The following IFT88 variants were observed in gnomAD, a reference collection of about 807,000 sequenced individuals.
The protein encoded by IFT88 is intraflagellar transport protein 88 homolog.
Under a neutral mutation model 119.5 loss-of-function variants are expected in IFT88, and 74 were observed. The observed-to-expected ratio is 0.62, with a 90% CI of 0.51 to 0.75. The LOEUF is 0.75. Among genes scored for constraint, IFT88 ranks in the 30% least tolerant of loss-of-function variants. The pLI is 0.00. For missense variants in IFT88, 961 were observed against 977.7 expected, an observed-to-expected ratio of 0.98 and a Z score of 0.23; for synonymous variants, 279 against 316.7, an observed-to-expected ratio of 0.88 and a Z score of 1.26.
chr13:20,578,199 C>T (rs557615735), intron 2 of IFT88, among the ~76,000 whole-genome samples: 1 of 151,262 alleles, frequency 6.6e-6, no homozygotes, highest in East Asian at 2.0e-4. Context: ...TGCCTGCCAC[C>T]ACGCCTGGCT....
chr13:20,639,585 A>G (rs1286222068), intron 17 of IFT88, among the ~76,000 whole-genome samples: 3 of 152,180 alleles, frequency 2.0e-5, no homozygotes, highest in East Asian at 1.9e-4. Flanking sequence ...AAGGGAGGCT[A>G]TGACCACTTG....
chr13:20,685,122 G>A (rs2057753614), intron 24 of IFT88, among the ~76,000 whole-genome samples: 1 of 152,220 alleles, frequency 6.6e-6, no homozygotes, highest in Non-Finnish European at 1.5e-5. Context: ...ATTCCTTATG[G>A]GAAACAAAGC....
chr13:20,650,504 A>G (rs572366873), intron 20 of IFT88, among the ~76,000 whole-genome samples: 115 of 152,306 alleles, frequency 7.6e-4, no homozygotes, highest in African/African-American at 2.7e-3. Flanking sequence ...CTCACAGCTA[A>G]CAGGATACTG....
intron 8 of IFT88, 78 bp downstream of exon 8, chr13:20,596,318 AGAC>A: frequency 1.1e-5 from 6 of 525,264 alleles, no homozygotes; most frequent in Non-Finnish European, 2.0e-5. Context: ...CCGTATGTAT[AGAC>A]AAATATTTTT....
At chr13:20,611,574 A>G (rs1385983145) in intron 13 of IFT88, among the ~76,000 whole-genome samples, 2 of 150,682 alleles carry the variant, frequency 1.3e-5, no homozygotes, top group African/African-American at 4.9e-5. Flanking sequence ...ATCAGGAACA[A>G]GATAGGGATA....
intron 23 of IFT88, among the ~76,000 whole-genome samples, chr13:20,667,812 A>T (rs1038168977): frequency 4.6e-5 from 7 of 151,976 alleles, no homozygotes; most frequent in African/African-American, 1.7e-4. Context: ...GGCCCCACAC[A>T]TTCTGGATCT....
intron 1 of IFT88, chr13:20,567,894 T>G: frequency 3.1e-5 from 19 of 621,934 alleles, no homozygotes; most frequent in Non-Finnish European, 4.4e-5. Context: ...GAAACTGCAG[T>G]AGGCTTCTTG....
At chr13:20,690,884 G>A in intron 25 of IFT88, 69 bp downstream of exon 25, 2 of 1,384,722 alleles carry the variant, frequency 1.4e-6, no homozygotes, top group Non-Finnish European at 2.0e-6. Context: ...TGGCCAAAAG[G>A]TGTTGCTGGG....
intron 15 of IFT88, among the ~76,000 whole-genome samples, 194 bp downstream of exon 15, chr13:20,626,043 C>CTTTTTTTT (rs528587128): frequency 1.8e-4 from 7 of 39,574 alleles, no homozygotes; most frequent in African/African-American, 3.5e-4. Context: ...TTTGTCGTTT[C>CTTTTTTTT]TTTTTTTTTT....
At chr13:20,622,309 G>A (rs1382292389) in intron 14 of IFT88, among the ~76,000 whole-genome samples, 1 of 152,160 alleles carries the variant, frequency 6.6e-6, no homozygotes, top group Non-Finnish European at 1.5e-5. Flanking sequence ...GTAGGTTTTT[G>A]TGTGAACATA....
chr13:20,581,727 C>T (rs894891119), intron 2 of IFT88, among the ~76,000 whole-genome samples: 1 of 151,758 alleles, frequency 6.6e-6, no homozygotes, highest in Admixed American at 6.6e-5. Context: ...GTAGTGTGTG[C>T]CTGTAGTCCC....
At chr13:20,602,231 CAGAGAGCCTGCCTT>C (rs2042721510) in intron 12 of IFT88, among the ~76,000 whole-genome samples, 1 of 71,160 alleles carries the variant, frequency 1.4e-5, no homozygotes, top group Non-Finnish European at 2.8e-5. Flanking sequence ...TTTTTTGAGA[CAGAGAGCCTGCCTT>C]CCAGGCTGGA....
chr13:20,578,358 C>CT (rs1158499742), intron 2 of IFT88, among the ~76,000 whole-genome samples: 1,018 of 78,726 alleles, frequency 0.013, 20 homozygotes, highest in African/African-American at 0.037. Flanking sequence ...AGTCTTGTTA[C>CT]TTTTTTTTTT....
chr13:20,645,290 A>G (rs1422653879), intron 20 of IFT88, among the ~76,000 whole-genome samples: 5 of 152,110 alleles, frequency 3.3e-5, no homozygotes, highest in African/African-American at 1.2e-4. Flanking sequence ...GGGTTACACC[A>G]TGTTGGCCAG....
intron 3 of IFT88, among the ~76,000 whole-genome samples, chr13:20,585,592 G>T (rs1251782347): frequency 6.6e-6 from 1 of 152,182 alleles, no homozygotes; most frequent in African/African-American, 2.4e-5. Flanking sequence ...TAGTCCCGGA[G>T]GTTCAGGCTA....
intron 18 of IFT88, chr13:20,642,768 T>A (rs190454311): frequency 6.6e-6 from 1 of 152,264 alleles, no homozygotes; most frequent in East Asian, 1.9e-4. Flanking sequence ...TGAGACTGTT[T>A]GAGTACATTT....
At chr13:20,632,786 C>T (rs535724728) in intron 16 of IFT88, among the ~76,000 whole-genome samples, 2 of 152,194 alleles carry the variant, frequency 1.3e-5, no homozygotes, top group African/African-American at 4.8e-5. Context: ...TGCACAGTGC[C>T]CTGTTGATGA....
chr13:20,577,635 T>C (rs2037635810), intron 2 of IFT88, among the ~76,000 whole-genome samples: 1 of 152,220 alleles, frequency 6.6e-6, no homozygotes, highest in Non-Finnish European at 1.5e-5. Context: ...TTCTTTATTC[T>C]GTCGATATGA....
intron 13 of IFT88, among the ~76,000 whole-genome samples, chr13:20,611,714 C>T (rs534696064): frequency 1.5e-4 from 23 of 152,042 alleles, no homozygotes; most frequent in African/African-American, 5.1e-4. Context: ...GAGCGATTCC[C>T]CTGCCTCAGC....
Sources: allele counts gnomAD v4.1 joint callset (sites outside exome capture counted in the v4.1 genomes callset), GRCh38; gene constraint gnomAD v4.1.1; transcripts MANE v1.5; gene names NCBI Gene and HGNC (gene_info 2026-07-23, HGNC 2026-07-21).